Variants in TANK observed in about 807,000 individuals in gnomAD.
The protein encoded by TANK is TRAF family member associated NFKB activator.
TANK carries 15 observed loss-of-function variants against 43.6 expected under a neutral mutation model. That is an observed-to-expected ratio of 0.34 (90% CI 0.23 to 0.53). The LOEUF (loss-of-function observed/expected upper bound fraction) is 0.53, where lower values mean the gene tolerates loss of function less well. TANK is among the 20% of genes least tolerant of loss of function. The pLI is 0.94. For synonymous variants in TANK, 162 were observed against 178.2 expected (o/e 0.91, Z 0.73); for missense variants, 417 against 498.6 (o/e 0.84, Z 1.56).
At chr2:161,194,363 T>C (rs1196988670) in intron 2 of TANK, among the ~76,000 whole-genome samples, 1 of 152,066 alleles carries the variant, frequency 6.6e-6, no homozygotes, top group Admixed American at 6.6e-5. Context: ...AAGTCTTACA[T>C]AGAAAGGAAG....
chr2:161,228,216 A>G (rs931651998), intron 6 of TANK, among the ~76,000 whole-genome samples: 1 of 152,228 alleles, frequency 6.6e-6, no homozygotes, highest in East Asian at 1.9e-4. Flanking sequence ...TGATGGCCCC[A>G]TAAGATTATA....
chr2:161,173,381 C>G (rs1685037318), intron 1 of TANK, among the ~76,000 whole-genome samples: 1 of 152,188 alleles, frequency 6.6e-6, no homozygotes, highest in Non-Finnish European at 1.5e-5. Flanking sequence ...CACTCATTCT[C>G]TACTTGTTGA....
At chr2:161,141,912 T>G (rs1409547371) in intron 1 of TANK, among the ~76,000 whole-genome samples, 3 of 152,184 alleles carry the variant, frequency 2.0e-5, no homozygotes, top group Non-Finnish European at 4.4e-5. Flanking sequence ...CCACACTGTC[T>G]TCCACAATAG....
At position 161,235,325 on chromosome 2, in the gene TANK, T is replaced by C. The variant is rs3754970; in HGVS notation, c.1102-17T>C. 0.49 allele frequency: 764,252 copies of C among 1,569,562 alleles called. 189,597 individuals are homozygous for C. Among genetic ancestry groups the C allele is most frequent in the Admixed American group, 0.6 (31,488 of 52,170 alleles). On this transcript the variant is annotated splice_polypyrimidine_tract_variant and intron_variant, in intron 7 of 7. Transcript: ENST00000392749. ...ATTTAAACATAAGTAACAGATATTT[T>C]TGTTTGTTTCCTGCAGCCCATTTGG...
At chr2:161,214,441 A>G (rs571770415) in intron 4 of TANK, among the ~76,000 whole-genome samples, 2 of 152,168 alleles carry the variant, frequency 1.3e-5, no homozygotes, top group Non-Finnish European at 2.9e-5. Context: ...GTTGAGATCA[A>G]GTTTCAATAA....
chr2:161,173,916 A>G (rs1446237194), intron 1 of TANK, among the ~76,000 whole-genome samples: 2 of 152,166 alleles, frequency 1.3e-5, no homozygotes, highest in Non-Finnish European at 2.9e-5. Context: ...TGTCACTGTA[A>G]CATTCCAACC....
intron 7 of TANK, among the ~76,000 whole-genome samples, chr2:161,233,226 C>G (rs1029553538): frequency 1.3e-5 from 2 of 151,812 alleles, no homozygotes. Flanking sequence ...TCTACAAATA[C>G]GTATAGTTAT....
chr2:161,144,501 A>T (rs528867333), intron 1 of TANK, among the ~76,000 whole-genome samples: 2 of 151,544 alleles, frequency 1.3e-5, no homozygotes, highest in Non-Finnish European at 3.0e-5. Context: ...CTGGTACATC[A>T]TCTCGTTTTC....
At chr2:161,180,546 G>A (rs1390365610) in intron 2 of TANK, among the ~76,000 whole-genome samples, 2 of 152,008 alleles carry the variant, frequency 1.3e-5, no homozygotes, top group Admixed American at 1.3e-4. Context: ...GTTTCCATAC[G>A]ATCAAAGTAA....
In TANK at chr2:161,224,504, A is replaced by G. The variant is rs892212154; in HGVS notation, c.405-127A>G. On this transcript the variant is annotated intron_variant, in intron 5 of 7. Transcript: ENST00000392749. Reference sequence around the variant, plus strand: ...TTTTGGGGACATTGTTTAGGAATTTAAAATAATTTTTTTTTACTTTTAAAT... The same window carrying G: ...TTTTGGGGACATTGTTTAGGAATTTGAAATAATTTTTTTTTACTTTTAAAT... The G allele has an allele frequency of 6.3e-6, 3 of 472,682 alleles. No homozygotes were observed. The South Asian group carries it at 1.6e-4, about 25-fold the overall frequency. The allele number at this position is 472,682 out of a possible 1,614,324, so 29.3% of individuals were successfully genotyped here. A position where few individuals can be genotyped will look rare whatever the true frequency, so the allele number is the denominator to read the frequency against.
At chr2:161,210,833 A>G (rs1159228669) in intron 4 of TANK, among the ~76,000 whole-genome samples, 1 of 152,222 alleles carries the variant, frequency 6.6e-6, no homozygotes, top group East Asian at 1.9e-4. Flanking sequence ...AAGTTCAAAT[A>G]CAGAAAAGAA....
intron 1 of TANK, among the ~76,000 whole-genome samples, chr2:161,154,960 G>C (rs1287099013): frequency 6.6e-6 from 1 of 151,984 alleles, no homozygotes; most frequent in African/African-American, 2.4e-5. Flanking sequence ...GGCCAGGCTG[G>C]TCTCGAACTC....
At chr2:161,230,933 A>T in intron 6 of TANK, 38 bp from the exon 7 acceptor site, 2 of 1,484,626 alleles carry the variant, frequency 1.3e-6, no homozygotes, top group Non-Finnish European at 1.9e-6. Context: ...TAATGATTTG[A>T]ATGCGGCTGT....
At chr2:161,139,820 C>A in intron 1 of TANK, 1 of 985,382 alleles carries the variant, frequency 1.0e-6, no homozygotes, top group Non-Finnish European at 1.2e-6. Flanking sequence ...AGCAGCTATT[C>A]CTACGCTTTG....
At chr2:161,187,329 ACAGG>A in intron 2 of TANK, among the ~76,000 whole-genome samples, 2 of 152,210 alleles carry the variant, frequency 1.3e-5, no homozygotes, top group East Asian at 3.9e-4. Flanking sequence ...TACTCAGGAG[ACAGG>A]CAGGTGGATT....
chr2:161,185,208 G>C lies in TANK; in HGVS notation c.99+5447G>C, dbSNP rs140109452. 7.0e-4 allele frequency among the ~76,000 whole-genome samples: 106 copies of C among 152,278 alleles called. 2 individuals are homozygous for C. The South Asian group carries it at 9.9e-3, about 14-fold the overall frequency. On this transcript the variant is annotated intron_variant, in intron 2 of 7. Coordinates refer to ENST00000392749, the MANE Select transcript of TANK (RefSeq NM_001199135.3). ...TATAGAAAAAGAATGTAGTATCATA[G>C]AAGGCATTAGAAAAGAGCTTCAAGA...
intron 1 of TANK, among the ~76,000 whole-genome samples, chr2:161,177,302 T>C (rs1428020575): frequency 1.3e-5 from 2 of 152,154 alleles, no homozygotes; most frequent in African/African-American, 4.8e-5. Context: ...TTGAGCCTGG[T>C]AAATTACTTA....
chr2:161,178,217 A>C (rs963221381), intron 1 of TANK, among the ~76,000 whole-genome samples: 4 of 152,140 alleles, frequency 2.6e-5, no homozygotes, highest in African/African-American at 9.7e-5. Flanking sequence ...ACAAATGTGC[A>C]CAGTAGCTTT....
At chr2:161,230,916 AT>A (rs969919772) in intron 6 of TANK, 54 bp from the exon 7 acceptor site, 18 of 1,384,282 alleles carry the variant, frequency 1.3e-5, no homozygotes, top group Non-Finnish European at 1.8e-5. Flanking sequence ...GATTGAACAG[AT>A]TTTTTTAATG....
Sources: allele counts gnomAD v4.1 joint callset (sites outside exome capture counted in the v4.1 genomes callset), GRCh38; gene constraint gnomAD v4.1.1; transcripts MANE v1.5; gene names NCBI Gene and HGNC (gene_info 2026-07-23, HGNC 2026-07-21).